RIN2: variants seen among roughly 807,000 people sequenced by gnomAD.
The protein encoded by RIN2 is RAB5 interacting protein 2.
Under a neutral mutation model 78.0 loss-of-function variants are expected in RIN2, and 36 were observed. The observed-to-expected ratio is 0.46, with a 90% CI of 0.35 to 0.61. RIN2 has a LOEUF of 0.61. Ranked by LOEUF, RIN2 falls within the 20% of genes least tolerant of loss-of-function variation. The probability of loss-of-function intolerance (pLI) is 0.00; values close to 1 mark genes in which losing one functional copy is unlikely to be tolerated. For missense variants in RIN2, 1,087 were observed against 1,159.7 expected (o/e 0.94, Z 0.91); for synonymous variants, 466 against 466.8 (o/e 1.00, Z 0.02).
At chr20:19,795,377 A>G (rs1484721078) in intron 1 of RIN2, among the ~76,000 whole-genome samples, 1 of 152,160 alleles carries the variant, frequency 6.6e-6, no homozygotes, top group Non-Finnish European at 1.5e-5. Context: ...TTGGCTGTTT[A>G]TTGTAGTTTT....
intron 2 of RIN2, among the ~76,000 whole-genome samples, chr20:19,845,140 G>A (rs749163179): frequency 3.3e-5 from 5 of 152,096 alleles, no homozygotes; most frequent in Non-Finnish European, 7.4e-5. Flanking sequence ...TCATTGATGG[G>A]CATTTGGGCT....
chr20:19,763,729 G>C (rs1279032022), intron 1 of RIN2, among the ~76,000 whole-genome samples: 2 of 152,188 alleles, frequency 1.3e-5, no homozygotes, highest in East Asian at 3.9e-4. Context: ...TTGGTTGTAA[G>C]AACCTCCATT....
intron 2 of RIN2, among the ~76,000 whole-genome samples, chr20:19,871,671 A>C (rs896602474): frequency 7.9e-5 from 12 of 152,150 alleles, no homozygotes; most frequent in African/African-American, 1.2e-4. Flanking sequence ...ACAAAGATAG[A>C]TCAGTGCTAG....
chr20:19,880,250 T>TA (rs10551811), intron 2 of RIN2, among the ~76,000 whole-genome samples: 18,277 of 135,808 alleles, frequency 0.13, 1,359 homozygotes, highest in East Asian at 0.29. Flanking sequence ...GACTCTGTCT[T>TA]AAAAAAAAAA....
At chr20:19,790,192 A>C (rs1351665285) in intron 1 of RIN2, among the ~76,000 whole-genome samples, 1 of 151,836 alleles carries the variant, frequency 6.6e-6, no homozygotes, top group Non-Finnish European at 1.5e-5. Flanking sequence ...TGCCTTTTGG[A>C]TTTCTCAATC....
chr20:19,809,641 C>G (rs887970342), intron 2 of RIN2: 13 of 152,294 alleles, frequency 8.5e-5, no homozygotes, highest in African/African-American at 3.1e-4. Context: ...AGCGAGCAGG[C>G]CTCTCTGCAG....
chr20:19,859,107 G>T (rs745427858), intron 2 of RIN2, among the ~76,000 whole-genome samples: 1 of 152,320 alleles, frequency 6.6e-6, no homozygotes. Flanking sequence ...GCCCTTCCAG[G>T]GGGTCATACT....
intron 3 of RIN2, among the ~76,000 whole-genome samples, chr20:19,934,165 T>G (rs2040543006): frequency 6.6e-6 from 1 of 152,190 alleles, no homozygotes; most frequent in South Asian, 2.1e-4. Flanking sequence ...ATGGATCATA[T>G]CTATAAATAG....
At chr20:19,960,441 T>C (rs1342380226) in intron 5 of RIN2, among the ~76,000 whole-genome samples, 1 of 152,238 alleles carries the variant, frequency 6.6e-6, no homozygotes, top group Non-Finnish European at 1.5e-5. Flanking sequence ...AAAATGCTTA[T>C]GCAGACTAGG....
intron 2 of RIN2, among the ~76,000 whole-genome samples, chr20:19,864,038 T>A (rs910405542): frequency 1.3e-5 from 2 of 151,954 alleles, no homozygotes; most frequent in East Asian, 3.9e-4. Flanking sequence ...ACTTTTTTTT[T>A]AATGTATAAG....
At chr20:19,794,225 C>T (rs1471754290) in intron 1 of RIN2, among the ~76,000 whole-genome samples, 1 of 152,148 alleles carries the variant, frequency 6.6e-6, no homozygotes, top group Non-Finnish European at 1.5e-5. Flanking sequence ...TTCAAAATGG[C>T]ACCCAGCAAG....
At chr20:19,946,868 TA>T (rs1233915598) in intron 4 of RIN2, among the ~76,000 whole-genome samples, 1 of 151,636 alleles carries the variant, frequency 6.6e-6, no homozygotes, top group Non-Finnish European at 1.5e-5. Flanking sequence ...CTGTCTCTAC[TA>T]AAAATACAAA....
In RIN2 at chr20:19,913,338, G is replaced by T. The variant is rs190349775; in HGVS notation, c.58-21761G>T. ...CACCATTTTAAGCACTTTAGTGATG[G>T]TGTCTCACTGTGTTGCCCAGGCTGT... On this transcript the variant is annotated intron_variant, in intron 3 of 12. Coordinates refer to ENST00000255006, the MANE Select transcript of RIN2 (RefSeq NM_018993.4). Among the ~76,000 whole-genome samples the T allele has an allele frequency of 4.6e-5, 7 of 152,108 alleles. No individual in the cohort carries two copies. In the East Asian group the frequency reaches 1.4e-3, roughly 29 times the overall value.
intron 2 of RIN2, among the ~76,000 whole-genome samples, chr20:19,860,305 G>T (rs1434986186): frequency 1.3e-5 from 2 of 151,604 alleles, no homozygotes; most frequent in East Asian, 3.9e-4. Flanking sequence ...ATTCTTGTTT[G>T]TTTGTTTTTT....
chr20:19,839,009 T>C (rs1489767328), intron 2 of RIN2, among the ~76,000 whole-genome samples: 2 of 152,100 alleles, frequency 1.3e-5, no homozygotes, highest in African/African-American at 2.4e-5. Context: ...AACCTGATGA[T>C]TGGGAACAGG....
At chr20:19,810,158 G>A (rs1322928490) in intron 2 of RIN2, among the ~76,000 whole-genome samples, 1 of 151,934 alleles carries the variant, frequency 6.6e-6, no homozygotes, top group African/African-American at 2.4e-5. Context: ...CAGCACTTTG[G>A]GAGGCCAAGG....
chr20:19,929,548 GA>G (rs1199166806), intron 3 of RIN2, among the ~76,000 whole-genome samples: 1 of 152,114 alleles, frequency 6.6e-6, no homozygotes, highest in East Asian at 1.9e-4. Context: ...TTTTAGTAGA[GA>G]TGGGATTTTA....
chr20:19,783,622 G>C (rs1455583507), intron 1 of RIN2, among the ~76,000 whole-genome samples: 1 of 152,148 alleles, frequency 6.6e-6, no homozygotes, highest in Non-Finnish European at 1.5e-5. Flanking sequence ...GCAAGTAGTT[G>C]ATGGGGAAGG....
In RIN2 at chr20:19,768,782, G is replaced by A. The variant is rs924002964; in HGVS notation, c.-163+10455G>A. Among the ~76,000 whole-genome samples the A allele has an allele frequency of 6.6e-5, 10 of 152,086 alleles. No homozygotes were observed. In the East Asian group the frequency reaches 1.3e-3, roughly 21 times the overall value. On this transcript the variant is annotated intron_variant, in intron 1 of 12. Coordinates refer to ENST00000255006, the MANE Select transcript of RIN2 (RefSeq NM_018993.4). ...AGGTTATGCTGGCCCACCAGAAACC[G>A]TCTCTCCTCTATGTGCTTATTTCCC... is the stretch of plus-strand genomic sequence containing the variant.
Sources: gnomAD v4.1 joint callset for allele counts (sites outside exome capture counted in the v4.1 genomes callset) on GRCh38, gnomAD v4.1.1 for gene constraint, MANE v1.5 for transcripts, NCBI Gene and HGNC (gene_info 2026-07-23, HGNC 2026-07-21) for gene names.